Variants in ATP2B3 observed in about 807,000 individuals in gnomAD.
ATP2B3 encodes ATPase plasma membrane Ca2+ transporting 3, also known as plasma membrane calcium-transporting ATPase 3.
A neutral mutation model predicts 70.8 loss-of-function variants in ATP2B3; 12 were observed. The ratio of observed to expected loss-of-function variants is 0.17; its 90% confidence interval spans 0.11 to 0.27. ATP2B3 has a LOEUF of 0.27. ATP2B3 is among the 10% of genes least tolerant of loss of function. ATP2B3 has a pLI of 1.00. For missense variants in ATP2B3, 858 were observed against 1,118.5 expected (o/e 0.77, Z 3.32); for synonymous variants, 460 against 497.8 (o/e 0.92, Z 1.01).
At chrX:153,557,514 C>G (rs1167041942) in intron 16 of ATP2B3, among the ~76,000 whole-genome samples, 2 of 112,384 alleles carry the variant, frequency 1.8e-5, no homozygotes, top group Admixed American at 9.3e-5. Context: ...TCTCCCTGCC[C>G]TACCGAAAAG....
At chrX:153,529,047 A>C (rs1557000837) in intron 2 of ATP2B3, among the ~76,000 whole-genome samples, 1 of 112,595 alleles carries the variant, frequency 8.9e-6, no homozygotes, top group Non-Finnish European at 1.9e-5. Flanking sequence ...ACCTCTGCGG[A>C]TTCATTAACA....
intron 3 of ATP2B3, among the ~76,000 whole-genome samples, chrX:153,536,859 A>T (rs1557004402): frequency 8.9e-6 from 1 of 112,442 alleles, no homozygotes; most frequent in East Asian, 2.8e-4. Context: ...AACAGGAGGA[A>T]GGGATGCAGG....
At chrX:153,546,817 C>T (rs1360139895) in intron 8 of ATP2B3, among the ~76,000 whole-genome samples, 1 of 113,045 alleles carries the variant, frequency 8.8e-6, no homozygotes, top group African/African-American at 3.2e-5. Context: ...AGGCAACGCC[C>T]TGTGCGGAGC....
chrX:153,565,687 T>C (rs782262588), intron 21 of ATP2B3, among the ~76,000 whole-genome samples: 243 of 112,399 alleles, frequency 2.2e-3, no homozygotes, highest in African/African-American at 7.7e-3. Context: ...CTGCCACCAG[T>C]ATCAGGCGCT....
chrX:153,523,561 T>G (rs2089987782), intron 2 of ATP2B3, among the ~76,000 whole-genome samples: 1 of 111,984 alleles, frequency 8.9e-6, no homozygotes, highest in African/African-American at 3.2e-5. Flanking sequence ...ATCAAACAAA[T>G]TGTCATAAGT....
chrX:153,569,213 C>T (rs782319941), intron 21 of ATP2B3: 2 of 415,138 alleles, frequency 4.8e-6, no homozygotes, highest in Non-Finnish European at 9.1e-6. Context: ...GGAAGCAGGG[C>T]GGGTTCTAAT....
intron 8 of ATP2B3, among the ~76,000 whole-genome samples, chrX:153,546,758 G>T (rs2090374093): frequency 8.8e-6 from 1 of 113,249 alleles, no homozygotes. Flanking sequence ...AGTCCATGGG[G>T]AACAAGGCAG....
chrX:153,520,810 T>C (rs782109302), intron 2 of ATP2B3, among the ~76,000 whole-genome samples: 2 of 111,982 alleles, frequency 1.8e-5, no homozygotes, highest in South Asian at 7.5e-4. Context: ...CAGAGTAGAG[T>C]GTGGTTCGTG....
chrX:153,548,549 G>T, intron 9 of ATP2B3, 91 bp from the exon 10 acceptor site: 1 of 837,090 alleles, frequency 1.2e-6, no homozygotes, highest in Non-Finnish European at 1.7e-6. Flanking sequence ...ATGCCTCCGA[G>T]ACCGTGTCCA....
chrX:153,524,868 C>G (rs1207766749), intron 2 of ATP2B3, among the ~76,000 whole-genome samples: 1 of 112,308 alleles, frequency 8.9e-6, no homozygotes, highest in Admixed American at 9.4e-5. Context: ...TTCCTCCCTC[C>G]CCGCCAAGAT....
rs2090912483 is a variant in ATP2B3 at position 153,580,664 on chromosome X, A to G, written c.*366A>G. 1.1e-5 allele frequency: 2 copies of G among 175,827 alleles called. No individual in the cohort carries two copies. Among genetic ancestry groups the G allele is most frequent in the Non-Finnish European group, 2.1e-5 (2 of 93,753 alleles). 14.5% of individuals were successfully genotyped at this position (175,827 alleles called of 1,213,427 possible). A position where few individuals can be genotyped will look rare whatever the true frequency, so the allele number is the denominator to read the frequency against. On this transcript the variant is annotated 3_prime_UTR_variant, in exon 22 of 22. Transcript: ENST00000263519. Reference sequence around the variant, plus strand: ...TCTATTGATGCTTCTTTTTTAACAAACTACAGTTTTACCGTGTGTTTGCCA... The same window carrying G: ...TCTATTGATGCTTCTTTTTTAACAAGCTACAGTTTTACCGTGTGTTTGCCA...
intron 8 of ATP2B3, among the ~76,000 whole-genome samples, chrX:153,546,630 GC>G (rs2090371093): frequency 8.8e-6 from 1 of 113,543 alleles, no homozygotes; most frequent in Non-Finnish European, 1.9e-5. Flanking sequence ...GCCAGCATGA[GC>G]CTGGCTGTGA....
intron 18 of ATP2B3, 33 bp from the exon 19 acceptor site, chrX:153,560,643 G>T: frequency 8.3e-7 from 1 of 1,200,625 alleles, no homozygotes; most frequent in South Asian, 1.8e-5. Flanking sequence ...GCGCTGAGAT[G>T]ACTGTGCCTG....
At chrX:153,563,959 A>G (rs781896762) in intron 20 of ATP2B3, among the ~76,000 whole-genome samples, 3 of 112,744 alleles carry the variant, frequency 2.7e-5, no homozygotes, top group Non-Finnish European at 3.8e-5. Flanking sequence ...CTAGAACTCC[A>G]GATGCCCATC....
At chrX:153,553,884 G>T (rs1280947104) in intron 13 of ATP2B3, among the ~76,000 whole-genome samples, 9 of 113,183 alleles carry the variant, frequency 8.0e-5, no homozygotes, top group Admixed American at 6.5e-4. Flanking sequence ...AGAATGCAAG[G>T]CATGGGGTGC....
At chrX:153,558,403 A>G (rs2090574996) in intron 17 of ATP2B3, 100 bp downstream of exon 17, 1 of 867,529 alleles carries the variant, frequency 1.2e-6, no homozygotes, top group African/African-American at 2.0e-5. Context: ...GCTGCAGATT[A>G]TTTTAATTGA....
Position 153,580,513 on chromosome X carries a change from A to G in ATP2B3, c.*215A>G, listed in dbSNP as rs1336261664. The G allele has an allele frequency of 2.6e-6, 1 of 388,813 alleles. No individual in the cohort carries two copies. The highest frequency in any genetic ancestry group is 2.5e-5 in the African/African-American group (1 of 40,512). 32.0% of individuals were successfully genotyped at this position (388,813 alleles called of 1,213,427 possible). Reference sequence around the variant, plus strand: ...CACAGGCTCCTCATCCGGACTGAGGAAGACGAGGACAGGGAGGAGGAAAAG... The same window carrying G: ...CACAGGCTCCTCATCCGGACTGAGGGAGACGAGGACAGGGAGGAGGAAAAG... On this transcript the variant is annotated 3_prime_UTR_variant, in exon 22 of 22. Transcript: ENST00000263519.
chrX:153,555,820 A>G (rs1300971622), intron 13 of ATP2B3, among the ~76,000 whole-genome samples: 1 of 112,987 alleles, frequency 8.9e-6, no homozygotes, highest in Non-Finnish European at 1.9e-5. Flanking sequence ...GCAGGATTCA[A>G]TGAGTTACAT....
rs2089916234 is a variant in ATP2B3, at chrX:153,518,894, C to A, written c.-127+343C>A. ...CCAGGGCCTCCGACCTCAAAGGAGT[C>A]CCTGCCTGCTAAAGGATCAAGTCCA... is the stretch of plus-strand genomic sequence containing the variant. On this transcript the variant is annotated intron_variant, in intron 2 of 21. Transcript: ENST00000263519. 2.7e-5 allele frequency among the ~76,000 whole-genome samples: 3 copies of A among 112,213 alleles called. No homozygotes were observed. In the Admixed American group the frequency reaches 2.8e-4, roughly 11 times the overall value.
Sources: allele counts gnomAD v4.1 joint callset (sites outside exome capture counted in the v4.1 genomes callset), GRCh38; gene constraint gnomAD v4.1.1; transcripts MANE v1.5; gene names NCBI Gene and HGNC (gene_info 2026-07-23, HGNC 2026-07-21).